DAB1: variants seen among roughly 807,000 people sequenced by gnomAD.
The protein encoded by DAB1 is disabled homolog 1.
Under a neutral mutation model 64.6 loss-of-function variants are expected in DAB1, and 15 were observed. That is an observed-to-expected ratio of 0.23 (90% CI 0.16 to 0.36). The LOEUF is 0.36. Ranked by LOEUF, DAB1 falls within the 10% of genes least tolerant of loss-of-function variation. The pLI is 1.00. For synonymous variants in DAB1, 235 were observed against 251.9 expected (o/e 0.93, Z 0.64); for missense variants, 596 against 706.7 (o/e 0.84, Z 1.78).
intron 4 of DAB1, among the ~76,000 whole-genome samples, chr1:58,331,393 A>G (rs1662964218): frequency 1.3e-5 from 2 of 152,264 alleles, no homozygotes; most frequent in African/African-American, 4.8e-5. Context: ...CAAAGCACTT[A>G]GAGTAGTACA....
intron 1 of DAB1, among the ~76,000 whole-genome samples, chr1:57,850,058 C>G (rs1051407726): frequency 6.6e-6 from 1 of 151,880 alleles, no homozygotes; most frequent in African/African-American, 2.4e-5. Context: ...CTGGCTTGGA[C>G]AGGAAAAAAT....
At chr1:57,306,330 TC>T (rs1200426073) in intron 1 of DAB1, among the ~76,000 whole-genome samples, 1 of 152,212 alleles carries the variant, frequency 6.6e-6, no homozygotes, top group Non-Finnish European at 1.5e-5. Context: ...TAGATGGTCT[TC>T]TATTTCTCTT....
chr1:58,545,835 A>C (rs1320308877), intron 1 of DAB1, among the ~76,000 whole-genome samples: 1 of 152,228 alleles, frequency 6.6e-6, no homozygotes, highest in Non-Finnish European at 1.5e-5. Context: ...TAATCATTCA[A>C]GCAAAGTACA....
intron 5 of DAB1, among the ~76,000 whole-genome samples, chr1:58,046,774 T>C (rs1052064722): frequency 6.6e-6 from 1 of 152,202 alleles, no homozygotes; most frequent in Non-Finnish European, 1.5e-5. Context: ...GACTGGATGC[T>C]GTAGAACAGA....
intron 1 of DAB1, among the ~76,000 whole-genome samples, chr1:57,836,516 C>T (rs1182885034): frequency 6.6e-6 from 1 of 152,150 alleles, no homozygotes; most frequent in Non-Finnish European, 1.5e-5. Flanking sequence ...CTCACTCTTT[C>T]GGAGATGAGG....
upstream of DAB1, among the ~76,000 whole-genome samples, chr1:57,884,567 G>T (rs116078217): frequency 2.2e-3 from 341 of 152,300 alleles, 2 homozygotes; most frequent in African/African-American, 7.6e-3. Context: ...ATTGGATAAA[G>T]AAAATGTATA....
chr1:57,712,024 G>A (rs1647034532), intron 6 of DAB1, among the ~76,000 whole-genome samples: 1 of 151,786 alleles, frequency 6.6e-6, no homozygotes, highest in Admixed American at 6.6e-5. Flanking sequence ...AATTTTAATA[G>A]CCACCATACT....
intron 5 of DAB1, among the ~76,000 whole-genome samples, chr1:57,954,716 A>T (rs1313889021): frequency 6.6e-6 from 1 of 152,158 alleles, no homozygotes. Flanking sequence ...GGAGTTCAGG[A>T]TTAGTCTGAC....
rs1381935418 is a variant in DAB1 at position 58,504,408 on chromosome 1, C to T, written n.257+1652G>A. ...TCCACACAGCTAAAGGACTTGCTCC[C>T]GTGCTTCCTTCCGGATTCTGATTAG... On this transcript the variant is annotated intron_variant and non_coding_transcript_variant, in intron 3 of 20. Coordinates refer to the DAB1 transcript ENST00000485760. 2.0e-5 allele frequency among the ~76,000 whole-genome samples: 3 copies of T among 152,300 alleles called. No individual in the cohort carries two copies. In the South Asian group the frequency reaches 6.2e-4, roughly 32 times the overall value.
intron 4 of DAB1, among the ~76,000 whole-genome samples, chr1:58,205,723 A>C (rs1658237101): frequency 6.6e-6 from 1 of 152,208 alleles, no homozygotes; most frequent in Non-Finnish European, 1.5e-5. Context: ...TAATTGAATG[A>C]TGAATGCGCC....
Position 58,384,491 on chromosome 1 carries a change from A to C in DAB1, n.258-41088T>G, listed in dbSNP as rs1186682891. ...AATAAAATATTGTACCTTACAAATT[A>C]GTTAAGAGGGTGTATGATGAGTCAG... On this transcript the variant is annotated intron_variant and non_coding_transcript_variant, in intron 3 of 20. Transcript: ENST00000485760. Among the ~76,000 whole-genome samples the C allele has an allele frequency of 2.6e-5, 4 of 152,348 alleles. No homozygotes were observed. In the East Asian group the frequency reaches 5.8e-4, roughly 22 times the overall value.
intron 6 of DAB1, among the ~76,000 whole-genome samples, chr1:57,698,725 T>G (rs977275764): frequency 3.9e-5 from 6 of 152,176 alleles, no homozygotes; most frequent in Non-Finnish European, 8.8e-5. Context: ...CAGCATAGTA[T>G]ATATCAATAG....
intron 1 of DAB1, among the ~76,000 whole-genome samples, chr1:57,871,440 G>A (rs374662796): frequency 2.0e-5 from 3 of 152,176 alleles, no homozygotes; most frequent in South Asian, 2.1e-4. Flanking sequence ...TTATCTTTCC[G>A]AAGATCACAC....
At chr1:57,999,671 G>T (rs1331383323) in intron 5 of DAB1, among the ~76,000 whole-genome samples, 1 of 152,122 alleles carries the variant, frequency 6.6e-6, no homozygotes, top group Non-Finnish European at 1.5e-5. Flanking sequence ...ATGCTACTAA[G>T]ATCTCACAAT....
intron 3 of DAB1, among the ~76,000 whole-genome samples, chr1:58,344,009 T>C (rs1643968349): frequency 6.6e-6 from 1 of 152,198 alleles, no homozygotes; most frequent in African/African-American, 2.4e-5. Context: ...CAATGTCTCC[T>C]TAATGATAAA....
At chr1:58,220,771 T>C (rs1456296190) in intron 4 of DAB1, among the ~76,000 whole-genome samples, 1 of 151,996 alleles carries the variant, frequency 6.6e-6, no homozygotes, top group East Asian at 1.9e-4. Flanking sequence ...AAATAAGACA[T>C]AAGAAGCAGT....
intron 5 of DAB1, among the ~76,000 whole-genome samples, chr1:58,035,457 T>C (rs1647030909): frequency 6.6e-6 from 1 of 152,238 alleles, no homozygotes; most frequent in South Asian, 2.1e-4. Flanking sequence ...TTTTCACCTG[T>C]ACTCCATTAC....
chr1:57,617,121 T>C (rs1005308099), intron 7 of DAB1, among the ~76,000 whole-genome samples: 16 of 152,076 alleles, frequency 1.1e-4, no homozygotes, highest in Non-Finnish European at 2.4e-4. Context: ...AGACTCCCTT[T>C]CCTGGGCTGG....
At chr1:57,432,604 A>G (rs1685556926) in intron 7 of DAB1, among the ~76,000 whole-genome samples, 1 of 152,222 alleles carries the variant, frequency 6.6e-6, no homozygotes, top group Non-Finnish European at 1.5e-5. Flanking sequence ...AGGTGGGGAA[A>G]TTGAGATTTA....
Sources: gnomAD v4.1 joint callset for allele counts (sites outside exome capture counted in the v4.1 genomes callset) on GRCh38, gnomAD v4.1.1 for gene constraint, MANE v1.5 for transcripts, NCBI Gene and HGNC (gene_info 2026-07-23, HGNC 2026-07-21) for gene names.